Variants in NCOA7 observed in about 807,000 individuals in gnomAD.
NCOA7 encodes the protein 140 kDa estrogen receptor-associated protein.
Under a neutral mutation model 104.3 loss-of-function variants are expected in NCOA7, and 45 were observed. The observed-to-expected ratio is 0.43, with a 90% CI of 0.34 to 0.55. NCOA7 has a LOEUF of 0.55. Ranked by LOEUF, NCOA7 falls within the 20% of genes least tolerant of loss-of-function variation. NCOA7 has a pLI of 0.02. For missense variants in NCOA7, 1,041 were observed against 1,119.7 expected, an observed-to-expected ratio of 0.93 and a Z score of 1.00; for synonymous variants, 398 against 402.3, an observed-to-expected ratio of 0.99 and a Z score of 0.13.
intron 1 of NCOA7, among the ~76,000 whole-genome samples, chr6:125,805,087 C>CTTTTTTTTTTTTTTTT (rs59737297): frequency 3.4e-5 from 2 of 58,050 alleles, no homozygotes; most frequent in South Asian, 6.8e-4. Flanking sequence ...CCCTCTTGTT[C>CTTTTTTTTTTTTTTTT]TTTTTTTTTT....
At chr6:125,782,825 A>G (rs973410505) in intron 1 of NCOA7, among the ~76,000 whole-genome samples, 10 of 152,342 alleles carry the variant, frequency 6.6e-5, no homozygotes, top group Non-Finnish European at 1.2e-4. Context: ...TAATCCCCAG[A>G]ACATGTTGAC....
intron 10 of NCOA7, among the ~76,000 whole-genome samples, chr6:125,903,709 C>CTTTT (rs386408527): frequency 1.4e-5 from 2 of 143,842 alleles, no homozygotes; most frequent in Non-Finnish European, 3.0e-5. Flanking sequence ...TTACTACCTT[C>CTTTT]TTTTTTTTTT....
At chr6:125,825,678 A>G (rs1778599691) in intron 2 of NCOA7, among the ~76,000 whole-genome samples, 1 of 152,204 alleles carries the variant, frequency 6.6e-6, no homozygotes, top group Non-Finnish European at 1.5e-5. Flanking sequence ...ATTGCAGCAG[A>G]TGCTGGTAAG....
Position 125,874,985 on chromosome 6 carries a change from T to C in NCOA7, c.351+17T>C. 2 of 1,585,798 alleles carry C rather than the reference T, an allele frequency of 1.3e-6. No individual in the cohort carries two copies. Among genetic ancestry groups the C allele is most frequent in the Non-Finnish European group, 1.7e-6 (2 of 1,155,112 alleles). The stretch of plus-strand genomic sequence containing the variant: ...GAATACACTGTGAGTATAACCAAGG[T>C]GGTATAAATGTTTGTTAATAGCACT... On this transcript the variant is annotated intron_variant, in intron 4 of 15. Coordinates refer to ENST00000392477, the MANE Select transcript of NCOA7 (RefSeq NM_181782.5).
intron 3 of NCOA7, among the ~76,000 whole-genome samples, chr6:125,860,628 G>A (rs562190713): frequency 1.4e-3 from 216 of 152,308 alleles, no homozygotes; most frequent in African/African-American, 4.8e-3. Flanking sequence ...GATTACAGGC[G>A]TGAGCCACAG....
At chr6:125,852,234 C>T (rs1177314436) in intron 2 of NCOA7, among the ~76,000 whole-genome samples, 1 of 152,072 alleles carries the variant, frequency 6.6e-6, no homozygotes, top group African/African-American at 2.4e-5. Context: ...CTTTCTCTGT[C>T]GCCCAGGCTG....
intron 3 of NCOA7, among the ~76,000 whole-genome samples, chr6:125,872,752 A>C (rs956897830): frequency 6.6e-6 from 1 of 152,238 alleles, no homozygotes; most frequent in Non-Finnish European, 1.5e-5. Flanking sequence ...TTGTTCTGTC[A>C]TAAGATTCGT....
rs555108030 is a variant in NCOA7 at position 125,881,341 on chromosome 6, C to G, written c.573+138C>G. 8.6e-6 allele frequency: 6 copies of G among 701,520 alleles called. No individual in the cohort carries two copies. In the Admixed American group the frequency reaches 1.2e-4, roughly 14 times the overall value. 43.5% of individuals were successfully genotyped at this position (701,520 alleles called of 1,614,324 possible). The stretch of plus-strand genomic sequence containing the variant: ...GAGATTAGGTAATTGGAGAATGCAT[C>G]CTCTCCAAGGGAAACTTATTCACAT... On this transcript the variant is annotated intron_variant, in intron 6 of 15. Coordinates refer to ENST00000392477, the MANE Select transcript of NCOA7 (RefSeq NM_181782.5).
chr6:125,785,038 A>G (rs1268072), intron 1 of NCOA7, among the ~76,000 whole-genome samples: 22,368 of 152,088 alleles, frequency 0.15, 2,565 homozygotes, highest in African/African-American at 0.32. Context: ...ATGAATGTAC[A>G]TAAAACTGGT....
At chr6:125,844,739 A>G (rs1201469778) in intron 2 of NCOA7, among the ~76,000 whole-genome samples, 1 of 152,244 alleles carries the variant, frequency 6.6e-6, no homozygotes, top group East Asian at 1.9e-4. Context: ...GAAAAAGGAC[A>G]TGAACATATA....
intron 2 of NCOA7, among the ~76,000 whole-genome samples, chr6:125,843,344 T>C (rs1780333031): frequency 6.6e-6 from 1 of 152,126 alleles, no homozygotes; most frequent in Non-Finnish European, 1.5e-5. Context: ...TGTGGACGCC[T>C]TGATTTCAGC....
chr6:125,878,427 C>T lies in NCOA7; in HGVS notation c.459+57C>T, dbSNP rs138466469. 3.4e-4 allele frequency: 407 copies of T among 1,186,306 alleles called. 2 individuals carry two copies. Among genetic ancestry groups the T allele is most frequent in the Middle Eastern group, 9.8e-4 (5 of 5,094 alleles). The allele number at this position is 1,186,306 out of a possible 1,614,324, so 73.5% of individuals were successfully genotyped here. A position where few individuals can be genotyped will look rare whatever the true frequency, so the allele number is the denominator to read the frequency against. ...AAATTCTGCATTTATCTTTTATTGC[C>T]GTTTTCAGTGCCTCACTATTGTTTG... On this transcript the variant is annotated intron_variant, in intron 5 of 15. Transcript: ENST00000392477.
chr6:125,881,250 TTTA>T, intron 6 of NCOA7, 47 bp downstream of exon 6: 1 of 1,300,190 alleles, frequency 7.7e-7, no homozygotes, highest in Non-Finnish European at 1.1e-6. Context: ...AGAGACTTCT[TTTA>T]AGTTGTAGAA....
In NCOA7 at chr6:125,865,795, C is replaced by T. The variant is rs753750229; in HGVS notation, c.272-9094C>T. 2.9e-5 allele frequency among the ~76,000 whole-genome samples: 4 copies of T among 136,344 alleles called. 1 individual carries two copies. Among genetic ancestry groups the T allele is most frequent in the African/African-American group, 9.2e-5 (3 of 32,446 alleles). The allele number at this position is 136,344 out of a possible 152,430, so 89.4% of individuals were successfully genotyped here. ...GCTCCCACCTCAGCCTCCCAAGTAG[C>T]GGGGACTATAGGCATGTAGCACCAC... On this transcript the variant is annotated intron_variant, in intron 3 of 15. Transcript: ENST00000392477.
intron 10 of NCOA7, among the ~76,000 whole-genome samples, chr6:125,910,297 A>G (rs1786411005): frequency 6.6e-6 from 1 of 152,156 alleles, no homozygotes; most frequent in Non-Finnish European, 1.5e-5. Context: ...CTCTCAAGTC[A>G]GCTAGCCAGC....
chr6:125,832,194 A>G (rs1003016770), intron 2 of NCOA7, among the ~76,000 whole-genome samples: 2 of 152,218 alleles, frequency 1.3e-5, no homozygotes, highest in Admixed American at 6.5e-5. Flanking sequence ...ATTTCTACCA[A>G]TAATTTCAAA....
intron 1 of NCOA7, among the ~76,000 whole-genome samples, chr6:125,785,783 A>G (rs755507586): frequency 2.0e-5 from 3 of 152,254 alleles, no homozygotes; most frequent in Non-Finnish European, 4.4e-5. Context: ...ATTAGCTGTG[A>G]ATAAAAGAAA....
At chr6:125,870,043 C>T (rs1404290640) in intron 3 of NCOA7, among the ~76,000 whole-genome samples, 3 of 152,248 alleles carry the variant, frequency 2.0e-5, no homozygotes, top group Non-Finnish European at 2.9e-5. Flanking sequence ...GCTCATCCAG[C>T]TCCAGCTGCC....
rs1004217600 is a variant in NCOA7, at chr6:125,913,702, G to A, written c.2097-1631G>A. The A allele has an allele frequency of 5.2e-6, 5 of 959,674 alleles. No individual in the cohort carries two copies. The East Asian group carries it at 5.7e-4, about 110-fold the overall frequency. 59.4% of individuals were successfully genotyped at this position (959,674 alleles called of 1,614,324 possible). A position where few individuals can be genotyped will look rare whatever the true frequency, so the allele number is the denominator to read the frequency against. ...AAAGTATAAGAAAATTGGTAAGTCT[G>A]TACTGTGGGGGAAAAGACATGATTA... On this transcript the variant is annotated intron_variant, in intron 10 of 15. Transcript: ENST00000392477.
Sources: allele counts gnomAD v4.1 joint callset (sites outside exome capture counted in the v4.1 genomes callset), GRCh38; gene constraint gnomAD v4.1.1; transcripts MANE v1.5; gene names NCBI Gene and HGNC (gene_info 2026-07-23, HGNC 2026-07-21).